Variants in HIPK3 observed in about 807,000 individuals in gnomAD.
The protein encoded by HIPK3 is homeodomain-interacting protein kinase 3.
In HIPK3, 47 loss-of-function variants were observed where a neutral mutation model predicts 124.2. That is an observed-to-expected ratio of 0.38 (90% CI 0.30 to 0.48). The LOEUF is 0.48. Ranked by LOEUF, HIPK3 falls within the 20% of genes least tolerant of loss-of-function variation. HIPK3 has a pLI of 0.98. For missense variants in HIPK3, 1,286 were observed against 1,454.3 expected (o/e 0.88, Z 1.88); for synonymous variants, 482 against 515.2 (o/e 0.94, Z 0.87).
At chr11:33,311,604 T>C (rs1280766000) in intron 2 of HIPK3, among the ~76,000 whole-genome samples, 5 of 152,192 alleles carry the variant, frequency 3.3e-5, no homozygotes, top group Non-Finnish European at 2.9e-5. Flanking sequence ...CCTGCCACTA[T>C]TGACATCCTG....
chr11:33,326,403 A>G (rs771288519), intron 2 of HIPK3, among the ~76,000 whole-genome samples: 15 of 152,182 alleles, frequency 9.9e-5, no homozygotes, highest in Non-Finnish European at 1.9e-4. Context: ...TATTTTGCTT[A>G]ACTCTAGGTA....
intron 1 of HIPK3, among the ~76,000 whole-genome samples, chr11:33,275,190 C>T (rs1851239476): frequency 1.3e-5 from 2 of 152,084 alleles, no homozygotes; most frequent in South Asian, 2.1e-4. Context: ...CAGTTGCGTG[C>T]CACCATGCCT....
In HIPK3 at chr11:33,339,376, A is replaced by AACAC; in HGVS notation, c.1456_1457insCACA (p.Ser486ThrfsTer3). On this transcript the variant is annotated frameshift_variant, in exon 6 of 17. Coordinates refer to ENST00000303296, the MANE Select transcript of HIPK3 (RefSeq NM_005734.5). LOFTEE classifies it high-confidence loss of function. ...TGAACACAGTGATGGATTTGGAAGG[A>AACAC]AGTGATCTTTTGGCTGAGAAAGCTG... 1 of 1,613,566 alleles carries AACAC rather than the reference A, an allele frequency of 6.2e-7. No homozygotes were observed. Among genetic ancestry groups the AACAC allele is most frequent in the Non-Finnish European group, 8.5e-7 (1 of 1,179,616 alleles).
chr11:33,259,181 T>A (rs1850758547), intron 1 of HIPK3, among the ~76,000 whole-genome samples: 1 of 152,228 alleles, frequency 6.6e-6, no homozygotes, highest in African/African-American at 2.4e-5. Context: ...TTTCAAAGTT[T>A]TAGTTGCTGG....
intron 2 of HIPK3, among the ~76,000 whole-genome samples, chr11:33,323,242 T>C (rs1408690090): frequency 3.3e-5 from 5 of 152,152 alleles, no homozygotes; most frequent in Non-Finnish European, 5.9e-5. Context: ...ATTCCATTTA[T>C]TTATTTATTT....
At chr11:33,269,227 T>C (rs887167350) in intron 1 of HIPK3, among the ~76,000 whole-genome samples, 1 of 152,220 alleles carries the variant, frequency 6.6e-6, no homozygotes, top group African/African-American at 2.4e-5. Flanking sequence ...CCTCTTTTTT[T>C]ACTTCTAACA....
intron 2 of HIPK3, among the ~76,000 whole-genome samples, chr11:33,313,510 G>C (rs545604863): frequency 7.8e-4 from 119 of 152,260 alleles, no homozygotes; most frequent in African/African-American, 2.8e-3. Flanking sequence ...AATTATATTT[G>C]TGTGTGTATA....
chr11:33,279,908 A>T (rs1292348035), intron 1 of HIPK3, among the ~76,000 whole-genome samples: 1 of 151,994 alleles, frequency 6.6e-6, no homozygotes, highest in Non-Finnish European at 1.5e-5. Context: ...TATGTAAAAG[A>T]GCACTAATCC....
At position 33,347,337 on chromosome 11, in the gene HIPK3, G is replaced by A. The variant is rs1423780162; in HGVS notation, c.1942G>A (p.Val648Ile). ...HGKPTSYSIR[V>I]DNTVPLVTQA... ...TAAACCCACCAGTTATTCAATAAGGGTAGATAATACAGTTCCACTTGTAAC... is the reference window on the plus strand; with the variant it reads ...TAAACCCACCAGTTATTCAATAAGGATAGATAATACAGTTCCACTTGTAAC... The change falls in exon 9 of 17, where the codon GTA becomes ATA. Residue 648 changes from valine (V) to isoleucine (I), a missense_variant. Val to Ile is a conservative substitution (Grantham distance 29, BLOSUM62 3). Around this residue, in one of 3 missense-constraint regions of HIPK3, gnomAD observed 810 missense variants for 864.9 expected, o/e 0.94. Coordinates refer to ENST00000303296, the MANE Select transcript of HIPK3 (RefSeq NM_005734.5). 5 of 1,613,474 alleles carry A rather than the reference G, an allele frequency of 3.1e-6. No homozygotes were observed. The Admixed American group carries it at 8.3e-5, about 27-fold the overall frequency.
At position 33,286,916 on chromosome 11, in the gene HIPK3, A is replaced by G; in HGVS notation, c.502A>G (p.Thr168Ala). Residue 168 changes from threonine to alanine, a missense_variant, in exon 2 of 17, where the codon ACC becomes GCC. Thr to Ala is a moderately conservative substitution (Grantham distance 58). Transcript: ENST00000303296. The part of the protein sequence containing the change: ...MGNPVTVVTA[T>A]TGSKQNCTTG... ...AAATCCAGTGACAGTTGTGACAGCT[A>G]CCACAGGATCAAAACAGAATTGTAC... is the stretch of plus-strand genomic sequence containing the variant. 6.2e-7 allele frequency: 1 copy of G among 1,614,242 alleles called. No individual in the cohort carries two copies. The highest frequency in any genetic ancestry group is 8.5e-7 in the Non-Finnish European group (1 of 1,180,034).
At position 33,353,585 on chromosome 11, in the gene HIPK3, G is replaced by A. The variant is rs1341265008; in HGVS notation, c.*17G>A. 1 of 1,397,268 alleles carries A rather than the reference G, an allele frequency of 7.2e-7. No homozygotes were observed. Among genetic ancestry groups the A allele is most frequent in the Non-Finnish European group, 1.0e-6 (1 of 984,884 alleles). The allele number at this position is 1,397,268 out of a possible 1,614,324, so 86.6% of individuals were successfully genotyped here. A position where few individuals can be genotyped will look rare whatever the true frequency, so the allele number is the denominator to read the frequency against. ...TATATGTGAAAAACAGTATATTGGG[G>A]AAGCTCAATGATACAAACATTTGAT... is the stretch of plus-strand genomic sequence containing the variant. On this transcript the variant is annotated 3_prime_UTR_variant, in exon 17 of 17. Coordinates refer to ENST00000303296, the MANE Select transcript of HIPK3 (RefSeq NM_005734.5).
chr11:33,323,342 C>T (rs1590400568), intron 2 of HIPK3, among the ~76,000 whole-genome samples: 1 of 152,268 alleles, frequency 6.6e-6, no homozygotes. Context: ...CTCCCAGTCT[C>T]AAGCAATTCT....
intron 2 of HIPK3, among the ~76,000 whole-genome samples, chr11:33,299,154 G>A (rs1418279475): frequency 1.3e-5 from 2 of 151,204 alleles, no homozygotes; most frequent in African/African-American, 2.4e-5. Context: ...GCCTAGACGA[G>A]TTGCTTCTTT....
intron 2 of HIPK3, among the ~76,000 whole-genome samples, chr11:33,295,277 G>GCCCCCCCCCCCC: frequency 9.4e-6 from 1 of 106,632 alleles, no homozygotes; most frequent in Non-Finnish European, 1.9e-5. Flanking sequence ...AGCCACCACC[G>GCCCCCCCCCCCC]CCCCCCCCCC....
chr11:33,298,821 A>G (rs907880804), intron 2 of HIPK3, among the ~76,000 whole-genome samples: 3 of 152,190 alleles, frequency 2.0e-5, no homozygotes, highest in Admixed American at 2.0e-4. Context: ...CAATCTGACG[A>G]TTAAACTTGA....
rs749124881 is a variant in HIPK3, at chr11:33,351,576, T to A, written c.2808-32T>A. 2.0e-6 allele frequency: 3 copies of A among 1,487,622 alleles called. No homozygotes were observed. The African/African-American group carries it at 4.1e-5, about 21-fold the overall frequency. 92.2% of individuals were successfully genotyped at this position (1,487,622 alleles called of 1,614,324 possible). ...CATTAGATTTAATGTTGGAAAAAAATATCACTCATAAAAAATGCTTTCTTT... is the reference window on the plus strand; with the variant it reads ...CATTAGATTTAATGTTGGAAAAAAAAATCACTCATAAAAAATGCTTTCTTT... On this transcript the variant is annotated intron_variant, in intron 14 of 16. Transcript: ENST00000303296.
chr11:33,337,441 C>T (rs779807186), intron 4 of HIPK3, among the ~76,000 whole-genome samples: 5 of 151,852 alleles, frequency 3.3e-5, no homozygotes, highest in South Asian at 2.1e-4. Flanking sequence ...CTGCAACCTC[C>T]GCCTCCTGGG....
In HIPK3 at chr11:33,286,391, CTTT is replaced by C. The variant is rs34512764; in HGVS notation, c.-2-7_-2-5del. On this transcript the variant is annotated intron_variant, in intron 1 of 16. Transcript: ENST00000303296. Reference sequence around the variant, plus strand: ...TTCTTCTTTCCTTTTTTTTCTTTTCCTTTTTTTTTTTTTTTTTGCAGGTATGGC... The same window carrying C: ...TTCTTCTTTCCTTTTTTTTCTTTTCCTTTTTTTTTTTTTTGCAGGTATGGC... 15,743 of 1,135,724 alleles carry C rather than the reference CTTT, an allele frequency of 0.014. No homozygotes were observed. Among genetic ancestry groups the C allele is most frequent in the South Asian group, 0.015 (491 of 33,604 alleles). The allele number at this position is 1,135,724 out of a possible 1,614,324, so 70.4% of individuals were successfully genotyped here. A position where few individuals can be genotyped will look rare whatever the true frequency, so the allele number is the denominator to read the frequency against.
chr11:33,319,496 CAA>C (rs34485674), intron 2 of HIPK3, among the ~76,000 whole-genome samples: 7 of 115,770 alleles, frequency 6.0e-5, no homozygotes, highest in East Asian at 2.3e-4. Context: ...AACTCCATCT[CAA>C]AAAAAAAAAA....
Sources: allele counts gnomAD v4.1 joint callset (sites outside exome capture counted in the v4.1 genomes callset), GRCh38; gene constraint gnomAD v4.1.1; regional missense constraint gnomAD v4.1.1; transcripts MANE v1.5; gene names NCBI Gene and HGNC (gene_info 2026-07-23, HGNC 2026-07-21).